The following PROM1 variants were observed in gnomAD, a reference collection of about 807,000 sequenced individuals.
PROM1 encodes prominin-1.
PROM1 carries 105 observed loss-of-function variants against 116.9 expected under a neutral mutation model. The observed-to-expected ratio is 0.90, with a 90% CI of 0.77 to 1.06. PROM1 has a LOEUF of 1.06. Ranked by LOEUF, PROM1 falls within the 50% of genes least tolerant of loss-of-function variation. The pLI, the probability that PROM1 is intolerant of heterozygous loss-of-function variation, is 0.00. For missense variants in PROM1, 1,122 were observed against 1,045.2 expected (o/e 1.07, Z -1.01); for synonymous variants, 393 against 387.0 (o/e 1.02, Z -0.18).
intron 2 of PROM1, among the ~76,000 whole-genome samples, chr4:16,075,100 A>AAACAGCACTGTGTGTGATGAAT (rs766187820): frequency 3.2e-4 from 48 of 152,210 alleles, no homozygotes; most frequent in Non-Finnish European, 5.3e-4. Flanking sequence ...CGAAAATGAC[A>AAACAGCACTGTGTGTGATGAAT]AACAGCACTG....
intron 8 of PROM1, among the ~76,000 whole-genome samples, chr4:16,021,929 G>A (rs1005934596): frequency 6.6e-6 from 1 of 152,130 alleles, no homozygotes; most frequent in Non-Finnish European, 1.5e-5. Context: ...GGTAACTAAC[G>A]TTAAATAAGG....
Position 16,009,086 on chromosome 4 carries a change from G to A in PROM1, c.1164C>T (p.Ser388=), listed in dbSNP as rs267600053. The change falls in exon 12 of 28, where the codon TCC becomes TCT. Residue 388 remains serine (S), a synonymous_variant. Coordinates refer to ENST00000447510, the MANE Select transcript of PROM1 (RefSeq NM_006017.3). ...TTACATTGTCGATATCTGAACCAAT[G>A]GAATTCAAGACCCTTTTGATACCTG... The part of the protein sequence containing the change: ...VVAGIKRVLN[S]IGSDIDNVTQ... 2 of 1,612,918 alleles carry A rather than the reference G, an allele frequency of 1.2e-6. No homozygotes were observed. Among genetic ancestry groups the A allele is most frequent in the African/African-American group, 1.3e-5 (1 of 74,994 alleles).
intron 20 of PROM1, 84 bp downstream of exon 20, chr4:15,987,579 A>C: frequency 7.4e-7 from 1 of 1,359,006 alleles, no homozygotes. Context: ...AACTTAAAGT[A>C]CCTACAAAAA....
At chr4:16,035,650 A>T (rs1488484953) in intron 4 of PROM1, 85 bp downstream of exon 4, 3 of 1,301,694 alleles carry the variant, frequency 2.3e-6, no homozygotes, top group Non-Finnish European at 3.3e-6. Flanking sequence ...GAAACGGATC[A>T]TTTAAAAATC....
chr4:16,023,704 G>A (rs142365374), intron 7 of PROM1, among the ~76,000 whole-genome samples: 63 of 152,262 alleles, frequency 4.1e-4, no homozygotes, highest in African/African-American at 1.5e-3. Context: ...ACCAGAGTTC[G>A]CACCTGGACT....
chr4:15,976,200 A>T (rs3796860), intron 26 of PROM1: 1 of 454,458 alleles, frequency 2.2e-6, no homozygotes, highest in South Asian at 1.6e-5. Context: ...TCAACACTAA[A>T]AGCCCAAGAT....
At chr4:15,999,947 T>A (rs765379637) in intron 14 of PROM1, among the ~76,000 whole-genome samples, 22 of 151,886 alleles carry the variant, frequency 1.4e-4, no homozygotes, top group Non-Finnish European at 2.6e-4. Context: ...TCCCCCGGAG[T>A]CGGTGGGAGT....
chr4:16,004,823 C>CT (rs1453283390), intron 13 of PROM1, among the ~76,000 whole-genome samples: 1 of 114,770 alleles, frequency 8.7e-6, no homozygotes, highest in African/African-American at 3.2e-5. Flanking sequence ...TTCTTTCTTT[C>CT]TTTCTTTTTC....
At chr4:15,979,569 A>G in intron 25 of PROM1, 106 bp from the exon 26 acceptor site, 1 of 1,413,512 alleles carries the variant, frequency 7.1e-7, no homozygotes, top group East Asian at 2.5e-5. Flanking sequence ...GTATGTAACA[A>G]TTTGTTAAAT....
chr4:16,009,172 G>T, intron 11 of PROM1, 64 bp from the exon 12 acceptor site: 1 of 1,430,742 alleles, frequency 7.0e-7, no homozygotes, highest in Non-Finnish European at 9.7e-7. Flanking sequence ...CTTTGTTTTG[G>T]AACCAAACAG....
At position 15,998,403 on chromosome 4, in the gene PROM1, G is replaced by A; in HGVS notation, c.1664C>T (p.Thr555Ile). The change falls in exon 15 of 28, where the codon ACT becomes ATT. Residue 555 changes from threonine (T) to isoleucine (I), a missense_variant. Transcript: ENST00000447510. ...KLFNKSKMKL[T>I]FEQVYSDCKK... ...TTGATACCTGTAAACTTGTTCAAAA[G>A]TGAGCTTCATTTTTGATTTATTAAA... The A allele has an allele frequency of 6.2e-7, 1 of 1,602,968 alleles. No individual in the cohort carries two copies.
At chr4:16,025,133 G>A (rs1337550870) in intron 6 of PROM1, 59 bp downstream of exon 6, 3 of 1,552,378 alleles carry the variant, frequency 1.9e-6, no homozygotes, top group Non-Finnish European at 2.6e-6. Context: ...AATATACACA[G>A]GAACTCCAAA....
Position 15,985,800 on chromosome 4 carries a change from A to ATTATTG in PROM1, c.2234_2239dup (p.Thr745_Ile746dup). The ATTATTG allele has an allele frequency of 1.3e-6, 2 of 1,577,512 alleles. No homozygotes were observed. Among genetic ancestry groups the ATTATTG allele is most frequent in the South Asian group, 2.2e-5 (2 of 88,900 alleles). On this transcript the variant is annotated inframe_insertion, in exon 22 of 28. Coordinates refer to ENST00000447510, the MANE Select transcript of PROM1 (RefSeq NM_006017.3). ...CTGCAGATAATGTTCAAAATATCCT[A>ATTATTG]TTATTGTTCTCCCATACTTCTTAGT... is the stretch of plus-strand genomic sequence containing the variant.
intron 2 of PROM1, among the ~76,000 whole-genome samples, chr4:16,040,981 C>T (rs1357145938): frequency 6.6e-6 from 1 of 152,168 alleles, no homozygotes. Flanking sequence ...TCTCAGGCCA[C>T]GTGGACTGGG....
chr4:16,059,270 C>T (rs1347777366), intron 2 of PROM1, among the ~76,000 whole-genome samples: 1 of 152,218 alleles, frequency 6.6e-6, no homozygotes, highest in Non-Finnish European at 1.5e-5. Context: ...CCTCTCCGAG[C>T]CTCCATTTCC....
chr4:16,050,605 C>T (rs747273530), intron 2 of PROM1, among the ~76,000 whole-genome samples: 14 of 152,192 alleles, frequency 9.2e-5, no homozygotes, highest in Admixed American at 2.0e-4. Flanking sequence ...TTCCCCACCT[C>T]GGCCTCCCGA....
chr4:16,022,819 C>A (rs1730238663), intron 8 of PROM1, among the ~76,000 whole-genome samples: 1 of 152,114 alleles, frequency 6.6e-6, no homozygotes, highest in African/African-American at 2.4e-5. Context: ...ATATTTCTTG[C>A]TTCTAAGTTT....
chr4:16,015,948 T>C (rs898100384), intron 10 of PROM1, among the ~76,000 whole-genome samples: 3 of 152,108 alleles, frequency 2.0e-5, no homozygotes, highest in African/African-American at 7.2e-5. Flanking sequence ...TGATCTCTCA[T>C]GGTCTTAGCA....
intron 2 of PROM1, chr4:16,055,272 C>T (rs1398740487): frequency 1.3e-5 from 5 of 392,418 alleles, no homozygotes; most frequent in African/African-American, 4.2e-5. Flanking sequence ...TGGTGGCTTA[C>T]GTCTACAGTT....
Sources: gnomAD v4.1 joint callset for allele counts (sites outside exome capture counted in the v4.1 genomes callset) on GRCh38, gnomAD v4.1.1 for gene constraint, MANE v1.5 for transcripts, NCBI Gene and HGNC (gene_info 2026-07-23, HGNC 2026-07-21) for gene names.